OGA: variants seen among roughly 807,000 people sequenced by gnomAD.
OGA encodes the protein protein O-GlcNAcase.
In OGA, 21 loss-of-function variants were observed where a neutral mutation model predicts 102.0. The observed-to-expected ratio is 0.21, with a 90% CI of 0.15 to 0.30. The LOEUF is 0.30. Ranked by LOEUF, OGA falls within the 10% of genes least tolerant of loss-of-function variation. OGA has a pLI of 1.00. For missense variants in OGA, 765 were observed against 1,107.8 expected, an observed-to-expected ratio of 0.69 and a Z score of 4.39; for synonymous variants, 408 against 378.2, an observed-to-expected ratio of 1.08 and a Z score of -0.91.
At position 101,807,849 on chromosome 10, in the gene OGA, T is replaced by C; in HGVS notation, c.533A>G (p.His178Arg). ...SFALLFDDID[H>R]NMCAADKEVF... The stretch of plus-strand genomic sequence containing the variant: ...CTCTTTGTCTGCTGCACACATATTA[T>C]GGTCTATATCATCAAAAAGCAAAGC... The change falls in exon 5 of 16, where the codon CAT (histidine) becomes CGT (arginine). Residue 178 changes from histidine to arginine, a missense_variant. Coordinates refer to ENST00000361464, the MANE Select transcript of OGA (RefSeq NM_012215.5). The C allele has an allele frequency of 1.2e-6, 2 of 1,606,056 alleles. No individual in the cohort carries two copies. The highest frequency in any genetic ancestry group is 1.7e-6 in the Non-Finnish European group (2 of 1,177,120).
intron 5 of OGA, among the ~76,000 whole-genome samples, chr10:101,806,460 C>T (rs1460133171): frequency 6.6e-6 from 1 of 152,178 alleles, no homozygotes; most frequent in East Asian, 1.9e-4. Flanking sequence ...CCCGCCTTGG[C>T]CTCCCAAAAG....
intron 9 of OGA, 73 bp from the exon 10 acceptor site, chr10:101,798,227 A>C: frequency 2.8e-6 from 4 of 1,432,372 alleles, no homozygotes; most frequent in Non-Finnish European, 3.8e-6. Flanking sequence ...GTTACACATT[A>C]AGCTGCTTAT....
intron 3 of OGA, 131 bp from the exon 4 acceptor site, chr10:101,810,445 T>A: frequency 3.5e-6 from 3 of 846,158 alleles, no homozygotes; most frequent in Non-Finnish European, 5.3e-6. Context: ...TTACAAATTG[T>A]CATGTCCAAC....
At chr10:101,795,350 C>T (rs908984016) in intron 10 of OGA, among the ~76,000 whole-genome samples, 3 of 152,150 alleles carry the variant, frequency 2.0e-5, no homozygotes, top group Non-Finnish European at 4.4e-5. Context: ...TCATGTCTAC[C>T]GCCCTTAAAT....
chr10:101,804,533 A>G (rs1302755287), intron 6 of OGA, among the ~76,000 whole-genome samples: 1 of 152,126 alleles, frequency 6.6e-6, no homozygotes, highest in Non-Finnish European at 1.5e-5. Flanking sequence ...TCGGCCTCCC[A>G]AAGTGCTGGG....
chr10:101,795,116 C>A (rs889119006), intron 10 of OGA, among the ~76,000 whole-genome samples: 2 of 152,170 alleles, frequency 1.3e-5, no homozygotes, highest in African/African-American at 4.8e-5. Flanking sequence ...AAAATTTAGA[C>A]TATACGAGAA....
chr10:101,788,440 A>G (rs2065217725), intron 14 of OGA, among the ~76,000 whole-genome samples: 1 of 151,204 alleles, frequency 6.6e-6, no homozygotes, highest in African/African-American at 2.4e-5. Flanking sequence ...AAAAAAAAAA[A>G]AAAGTTTTCT....
chr10:101,792,603 C>T (rs2065272491), intron 12 of OGA: 1 of 425,334 alleles, frequency 2.4e-6, no homozygotes, highest in Non-Finnish European at 4.2e-6. Context: ...GTAACTCCAA[C>T]TCTGAATACA....
intron 10 of OGA, among the ~76,000 whole-genome samples, chr10:101,795,681 T>C (rs1291013486): frequency 1.3e-5 from 2 of 152,222 alleles, no homozygotes; most frequent in Admixed American, 1.3e-4. Flanking sequence ...TATGTGGATA[T>C]GAAGATAATT....
chr10:101,804,076 G>A, intron 6 of OGA, 57 bp from the exon 7 acceptor site: 2 of 1,484,486 alleles, frequency 1.3e-6, no homozygotes, highest in Non-Finnish European at 1.8e-6. Flanking sequence ...TAGACGCATT[G>A]GCTCATAACT....
intron 1 of OGA, 69 bp downstream of exon 1, chr10:101,817,755 C>T: frequency 6.7e-7 from 1 of 1,502,130 alleles, no homozygotes; most frequent in Admixed American, 2.1e-5. Context: ...TCCAAAATCC[C>T]CGCCACCACC....
rs766978233 is a variant in OGA, at chr10:101,807,746, G to A, written c.636C>T (p.Phe212=). The part of the protein sequence containing the change: ...IYQYLGEPET[F]LFCPTEYCGT... Reference sequence around the variant, plus strand: ...ATACAATACCTGTGGGACAGAAGAGGAAAGTTTCTGGCTCTCCTAGGTACT... The same window carrying A: ...ATACAATACCTGTGGGACAGAAGAGAAAAGTTTCTGGCTCTCCTAGGTACT... Residue 212 remains phenylalanine, a synonymous_variant, in exon 5 of 16, where the codon TTC becomes TTT. Transcript: ENST00000361464. The A allele has an allele frequency of 5.0e-6, 8 of 1,597,972 alleles. No homozygotes were observed. The highest frequency in any genetic ancestry group is 1.7e-4 in the Middle Eastern group (1 of 6,016).
intron 10 of OGA, among the ~76,000 whole-genome samples, chr10:101,795,087 A>G (rs1279288639): frequency 1.3e-5 from 2 of 152,194 alleles, no homozygotes; most frequent in Non-Finnish European, 2.9e-5. Context: ...TATTTGTAAA[A>G]TAAATATGAA....
intron 1 of OGA, among the ~76,000 whole-genome samples, chr10:101,816,211 C>T (rs1013967543): frequency 5.3e-5 from 8 of 152,068 alleles, no homozygotes; most frequent in Non-Finnish European, 7.4e-5. Context: ...TGCAGTGAGC[C>T]GCGATCACGC....
At chr10:101,810,352 G>A in intron 3 of OGA, 38 bp from the exon 4 acceptor site, 1 of 1,563,878 alleles carries the variant, frequency 6.4e-7, no homozygotes, top group East Asian at 2.3e-5. Context: ...AAGCAGAACA[G>A]AAAACTAAAA....
At chr10:101,808,018 G>T in intron 4 of OGA, 117 bp from the exon 5 acceptor site, 1 of 840,668 alleles carries the variant, frequency 1.2e-6, no homozygotes, top group Non-Finnish European at 1.7e-6. Context: ...TTCAAAGACA[G>T]ATTTATTGTT....
At chr10:101,814,818 A>G (rs1407568982) in intron 1 of OGA, among the ~76,000 whole-genome samples, 1 of 152,244 alleles carries the variant, frequency 6.6e-6, no homozygotes, top group East Asian at 1.9e-4. Flanking sequence ...GTATCCTCTA[A>G]GAGGACAAAA....
At chr10:101,817,420 G>A (rs984364601) in intron 1 of OGA, among the ~76,000 whole-genome samples, 4 of 152,216 alleles carry the variant, frequency 2.6e-5, no homozygotes, top group Admixed American at 6.5e-5. Flanking sequence ...AAGCACGTCA[G>A]TGTGGGCCGA....
At chr10:101,808,050 TC>T (rs1282198815) in intron 4 of OGA, 149 bp from the exon 5 acceptor site, 2 of 765,654 alleles carry the variant, frequency 2.6e-6, no homozygotes, top group East Asian at 6.5e-5. Context: ...AATTAAAAAA[TC>T]GTAAGTTAAA....
Sources: gnomAD v4.1 joint callset for allele counts (sites outside exome capture counted in the v4.1 genomes callset) on GRCh38, gnomAD v4.1.1 for gene constraint, MANE v1.5 for transcripts, NCBI Gene and HGNC (gene_info 2026-07-23, HGNC 2026-07-21) for gene names.